ZRANB1: variants seen among roughly 807,000 people sequenced by gnomAD.
ZRANB1 encodes zinc finger RANBP2-type containing 1.
ZRANB1 carries 16 observed loss-of-function variants against 80.5 expected under a neutral mutation model. The ratio of observed to expected loss-of-function variants is 0.20; its 90% confidence interval spans 0.13 to 0.30. The LOEUF (loss-of-function observed/expected upper bound fraction) is 0.30, where lower values mean the gene tolerates loss of function less well. Among genes scored for constraint, ZRANB1 ranks in the 10% least tolerant of loss-of-function variants. The pLI, the probability that ZRANB1 is intolerant of heterozygous loss-of-function variation, is 1.00. For missense variants in ZRANB1, 576 were observed against 862.6 expected (o/e 0.67, Z 4.16); for synonymous variants, 291 against 293.1 (o/e 0.99, Z 0.07).
At chr10:124,940,837 C>T (rs1951529121), upstream of ZRANB1, among the ~76,000 whole-genome samples, 1 of 151,960 alleles carries the variant, frequency 6.6e-6, no homozygotes, top group Non-Finnish European at 1.5e-5. Context: ...ATTAGCCGGG[C>T]ATGGTGGCAT....
chr10:124,953,832 C>T (rs1052043070), intron 1 of ZRANB1, among the ~76,000 whole-genome samples: 80 of 151,970 alleles, frequency 5.3e-4, no homozygotes, highest in Admixed American at 1.9e-3. Flanking sequence ...AGAGGAAACT[C>T]GTGAAGTTGT....
Position 124,973,527 on chromosome 10 carries a change from A to G in ZRANB1, c.1157-118A>G, listed in dbSNP as rs1215198881. On this transcript the variant is annotated intron_variant, in intron 3 of 8. Transcript: ENST00000359653. Reference sequence around the variant, plus strand: ...AGAAAAAGCTATCTGATAACCTTCAATGGAAAGGGAGTTATTTTAGAGAAA... The same window carrying G: ...AGAAAAAGCTATCTGATAACCTTCAGTGGAAAGGGAGTTATTTTAGAGAAA... 58 of 828,518 alleles carry G rather than the reference A, an allele frequency of 7.0e-5. No homozygotes were observed. The South Asian group carries it at 9.8e-4, about 14-fold the overall frequency. 51.3% of individuals were successfully genotyped at this position (828,518 alleles called of 1,614,324 possible). A position where few individuals can be genotyped will look rare whatever the true frequency, so the allele number is the denominator to read the frequency against.
chr10:124,961,168 A>AT (rs1017825678), intron 1 of ZRANB1, among the ~76,000 whole-genome samples: 45 of 151,066 alleles, frequency 3.0e-4, no homozygotes, highest in Non-Finnish European at 5.6e-4. Context: ...CGCCCGGCTA[A>AT]TTTTTTTTTG....
intron 1 of ZRANB1, among the ~76,000 whole-genome samples, chr10:124,950,828 A>G (rs1951633096): frequency 6.6e-6 from 1 of 152,152 alleles, no homozygotes; most frequent in Non-Finnish European, 1.5e-5. Flanking sequence ...AAAAATAAAA[A>G]AAATTAGCAG....
At chr10:124,934,277 G>T in the ZRANB1 span, among the ~76,000 whole-genome samples, 2 of 150,022 alleles carry the variant, frequency 1.3e-5, no homozygotes, top group African/African-American at 5.1e-5. Flanking sequence ...GAAGAGTACA[G>T]TGTGTTTAGT....
intron 5 of ZRANB1, among the ~76,000 whole-genome samples, chr10:124,981,124 C>A (rs929229647): frequency 6.6e-6 from 1 of 152,128 alleles, no homozygotes; most frequent in Non-Finnish European, 1.5e-5. Flanking sequence ...ATTTGATAGA[C>A]AAAGAATCGA....
the ZRANB1 span, among the ~76,000 whole-genome samples, chr10:124,935,885 G>C: frequency 2.0e-5 from 3 of 152,206 alleles, no homozygotes; most frequent in Admixed American, 6.5e-5. Context: ...AGAAGGATGT[G>C]AGTGACATAG....
Position 124,951,816 on chromosome 10 carries a change from G to T in ZRANB1, c.814+8509G>T, listed in dbSNP as rs183560731. 1.4e-4 allele frequency among the ~76,000 whole-genome samples: 21 copies of T among 152,148 alleles called. No individual in the cohort carries two copies. In the East Asian group the frequency reaches 2.5e-3, roughly 18 times the overall value. On this transcript the variant is annotated intron_variant, in intron 1 of 8. Transcript: ENST00000359653. ...TACTGAAAATACAAAAATTAGCTGG[G>T]TGTGGTGGCGGGCATCTGTAATCCC... is the stretch of plus-strand genomic sequence containing the variant.
At chr10:124,973,452 C>T (rs550804471) in intron 3 of ZRANB1, among the ~76,000 whole-genome samples, 193 bp from the exon 4 acceptor site, 25 of 152,256 alleles carry the variant, frequency 1.6e-4, no homozygotes, top group African/African-American at 5.5e-4. Flanking sequence ...CCATTGCACC[C>T]GGCCCAGAAA....
the ZRANB1 span, among the ~76,000 whole-genome samples, chr10:124,931,352 G>C: frequency 2.0e-5 from 3 of 152,024 alleles, no homozygotes; most frequent in Non-Finnish European, 2.9e-5. Flanking sequence ...CTCCAGCCCT[G>C]TGTCATTTTA....
At chr10:124,984,486 G>A (rs541930005) in intron 8 of ZRANB1, 1 of 339,434 alleles carries the variant, frequency 2.9e-6, no homozygotes, top group Admixed American at 4.5e-5. Context: ...GGCTTGCCAG[G>A]ATCAGTTTAT....
At chr10:124,974,751 A>G (rs1366559265) in intron 5 of ZRANB1, among the ~76,000 whole-genome samples, 1 of 152,232 alleles carries the variant, frequency 6.6e-6, no homozygotes, top group Non-Finnish European at 1.5e-5. Flanking sequence ...AGCCTTAAAT[A>G]TTGATAAGGC....
At chr10:124,928,738 GAAGA>G in the ZRANB1 span, among the ~76,000 whole-genome samples, 1 of 152,188 alleles carries the variant, frequency 6.6e-6, no homozygotes, top group Non-Finnish European at 1.5e-5. Flanking sequence ...AGAGACAAAT[GAAGA>G]AAGAAATGTC....
chr10:124,934,013 A>G, the ZRANB1 span, among the ~76,000 whole-genome samples: 1 of 152,212 alleles, frequency 6.6e-6, no homozygotes, highest in Non-Finnish European at 1.5e-5. Flanking sequence ...CTAATTGTCT[A>G]GTGGTTTAAA....
chr10:124,933,803 C>T, the ZRANB1 span, among the ~76,000 whole-genome samples: 2 of 152,290 alleles, frequency 1.3e-5, no homozygotes, highest in Middle Eastern at 6.8e-3. Flanking sequence ...TCAAGACATA[C>T]CTGTATTACA....
At chr10:124,956,843 C>T (rs1951691103) in intron 1 of ZRANB1, among the ~76,000 whole-genome samples, 1 of 152,194 alleles carries the variant, frequency 6.6e-6, no homozygotes, top group South Asian at 2.1e-4. Flanking sequence ...TTGAACACCA[C>T]ATGCCTTTGA....
intron 1 of ZRANB1, among the ~76,000 whole-genome samples, chr10:124,947,004 C>T (rs1420778661): frequency 6.6e-6 from 1 of 152,100 alleles, no homozygotes; most frequent in African/African-American, 2.4e-5. Flanking sequence ...AAATTGCAAC[C>T]TCAGGTCAGC....
chr10:124,924,364 A>G, the ZRANB1 span, among the ~76,000 whole-genome samples: 1 of 151,890 alleles, frequency 6.6e-6, no homozygotes, highest in East Asian at 1.9e-4. Context: ...CCTTTAAAGT[A>G]TACAATTCAG....
Position 124,987,871 on chromosome 10 carries a change from TTC to T in ZRANB1, c.*2881_*2882del. The T allele has an allele frequency of 6.6e-6, 1 of 152,370 alleles. No individual in the cohort carries two copies. Among genetic ancestry groups the T allele is most frequent in the South Asian group, 2.1e-4 (1 of 4,830 alleles). 9.4% of individuals were successfully genotyped at this position (152,370 alleles called of 1,614,324 possible). A position where few individuals can be genotyped will look rare whatever the true frequency, so the allele number is the denominator to read the frequency against. On this transcript the variant is annotated 3_prime_UTR_variant, in exon 9 of 9. Transcript: ENST00000359653. Reference sequence around the variant, plus strand: ...AAATACTTTTAGTATAAAGGTTTAATTCTATTTAAAAAGAAGATCCATTAAAT... The same window carrying T: ...AAATACTTTTAGTATAAAGGTTTAATTATTTAAAAAGAAGATCCATTAAAT...
Sources: allele counts gnomAD v4.1 joint callset (sites outside exome capture counted in the v4.1 genomes callset), GRCh38; gene constraint gnomAD v4.1.1; transcripts MANE v1.5; gene names NCBI Gene and HGNC (gene_info 2026-07-23, HGNC 2026-07-21).